Variants in CCSER1 observed in about 807,000 individuals in gnomAD.
The protein encoded by CCSER1 is serine-rich coiled-coil domain-containing protein 1.
CCSER1 carries 41 observed loss-of-function variants against 82.0 expected under a neutral mutation model. The observed-to-expected ratio is 0.50, with a 90% confidence interval of 0.39 to 0.65. The LOEUF is 0.65. Among genes scored for constraint, CCSER1 ranks in the 30% least tolerant of loss-of-function variants. The probability of loss-of-function intolerance (pLI) is 0.00; values close to 1 mark genes in which losing one functional copy is unlikely to be tolerated. For synonymous variants in CCSER1, 414 were observed against 383.9 expected, an observed-to-expected ratio of 1.08 and a Z score of -0.92; for missense variants, 1,119 against 1,064.2, an observed-to-expected ratio of 1.05 and a Z score of -0.72.
intron 1 of CCSER1, among the ~76,000 whole-genome samples, chr4:90,176,159 A>T (rs956553076): frequency 6.6e-6 from 1 of 152,024 alleles, no homozygotes; most frequent in Admixed American, 6.6e-5. Flanking sequence ...AGGATGCTTA[A>T]TGGTCAGAAT....
In CCSER1 at chr4:90,173,409, G is replaced by C. The variant is rs141392270; in HGVS notation, c.-42+45578G>C. On this transcript the variant is annotated intron_variant, in intron 1 of 10. Coordinates refer to ENST00000509176, the MANE Select transcript of CCSER1 (RefSeq NM_001145065.2). ...TTCTAAATGGTTACATTCCTTTGCT[G>C]TAATGACCAGACAGTATCAAGGTCT... Among the ~76,000 whole-genome samples, 906 of 151,618 alleles carry C rather than the reference G, an allele frequency of 6.0e-3. 13 individuals carry two copies. The highest frequency in any genetic ancestry group is 0.021 in the African/African-American group (852 of 41,350).
chr4:90,440,600 T>C (rs1436251690), intron 4 of CCSER1, among the ~76,000 whole-genome samples: 1 of 152,114 alleles, frequency 6.6e-6, no homozygotes, highest in Non-Finnish European at 1.5e-5. Flanking sequence ...TGCAGAATTA[T>C]TGTTTTGTGT....
At chr4:90,619,001 A>G (rs1721807386) in intron 5 of CCSER1, among the ~76,000 whole-genome samples, 1 of 151,880 alleles carries the variant, frequency 6.6e-6, no homozygotes, top group Non-Finnish European at 1.5e-5. Context: ...TAACTACAAA[A>G]TAAAAATACT....
intron 10 of CCSER1, among the ~76,000 whole-genome samples, chr4:91,088,195 GA>G (rs1361158904): frequency 6.6e-6 from 1 of 152,038 alleles, no homozygotes; most frequent in Non-Finnish European, 1.5e-5. Flanking sequence ...ATGCTATTAT[GA>G]TTGATAAATG....
At chr4:90,590,034 G>A (rs543488024) in intron 5 of CCSER1, among the ~76,000 whole-genome samples, 3 of 152,268 alleles carry the variant, frequency 2.0e-5, no homozygotes, top group Non-Finnish European at 4.4e-5. Flanking sequence ...AATATTTTGG[G>A]AGGCTGAGGT....
At chr4:90,137,291 A>T (rs1489040348) in intron 1 of CCSER1, among the ~76,000 whole-genome samples, 1 of 152,224 alleles carries the variant, frequency 6.6e-6, no homozygotes, top group East Asian at 1.9e-4. Flanking sequence ...TTTGAGAGGT[A>T]TTCCTTACAG....
At chr4:90,937,311 A>G (rs979488519) in intron 9 of CCSER1, among the ~76,000 whole-genome samples, 4 of 152,196 alleles carry the variant, frequency 2.6e-5, no homozygotes, top group African/African-American at 9.7e-5. Context: ...AAATCATACT[A>G]CCAAGAACAT....
intron 10 of CCSER1, among the ~76,000 whole-genome samples, chr4:91,239,046 G>C (rs1438694132): frequency 6.6e-6 from 1 of 151,720 alleles, no homozygotes; most frequent in African/African-American, 2.4e-5. Context: ...GGATGGTCTC[G>C]ATCTTCTGAC....
intron 8 of CCSER1, among the ~76,000 whole-genome samples, chr4:90,873,076 G>C (rs549760755): frequency 6.6e-6 from 1 of 151,862 alleles, no homozygotes; most frequent in South Asian, 2.1e-4. Flanking sequence ...AATCTGCTTG[G>C]TTTTCTTTAA....
At chr4:90,573,303 G>T (rs1433011063) in intron 5 of CCSER1, among the ~76,000 whole-genome samples, 1 of 152,216 alleles carries the variant, frequency 6.6e-6, no homozygotes, top group Non-Finnish European at 1.5e-5. Context: ...GCAGAAGCTT[G>T]GTTCAGTTGC....
At chr4:90,460,677 T>C (rs1204181688) in intron 4 of CCSER1, among the ~76,000 whole-genome samples, 20 of 152,168 alleles carry the variant, frequency 1.3e-4, no homozygotes, top group Admixed American at 1.3e-3. Flanking sequence ...TTAAATAATA[T>C]GGTTGTATAG....
At chr4:90,850,047 C>T (rs1763676118) in intron 8 of CCSER1, among the ~76,000 whole-genome samples, 1 of 152,114 alleles carries the variant, frequency 6.6e-6, no homozygotes, top group African/African-American at 2.4e-5. Context: ...TCCCAGCTGC[C>T]TCAGCTCTAG....
intron 10 of CCSER1, among the ~76,000 whole-genome samples, chr4:91,131,996 AAGAT>A (rs1390816099): frequency 6.6e-6 from 1 of 152,000 alleles, no homozygotes; most frequent in African/African-American, 2.4e-5. Context: ...TATTGTTTTA[AAGAT>A]TAGAAAAGAT....
chr4:91,078,514 G>A (rs1444381645), intron 9 of CCSER1, among the ~76,000 whole-genome samples: 1 of 152,188 alleles, frequency 6.6e-6, no homozygotes, highest in Non-Finnish European at 1.5e-5. Context: ...AAAATCAAAA[G>A]CCTCTTCTCC....
chr4:91,382,719 C>A (rs988660614), intron 10 of CCSER1, among the ~76,000 whole-genome samples: 2 of 152,102 alleles, frequency 1.3e-5, no homozygotes, highest in South Asian at 2.1e-4. Context: ...CTGTCCTGCA[C>A]CCACTGTCTG....
At chr4:91,496,323 T>C (rs995616765) in intron 10 of CCSER1, among the ~76,000 whole-genome samples, 2 of 151,040 alleles carry the variant, frequency 1.3e-5, no homozygotes, top group Non-Finnish European at 3.0e-5. Context: ...TTAGAATAAA[T>C]TAAGTTAAAC....
chr4:91,351,073 G>C (rs1480416445), intron 10 of CCSER1, among the ~76,000 whole-genome samples: 1 of 151,924 alleles, frequency 6.6e-6, no homozygotes, highest in Non-Finnish European at 1.5e-5. Context: ...CTATGGTACT[G>C]ACTAGGTTAG....
rs184135145 is a variant in CCSER1 at position 90,424,782 on chromosome 4, G to A, written c.1603+24653G>A. On this transcript the variant is annotated intron_variant, in intron 4 of 10. Transcript: ENST00000509176. ...TTCATGGCCTGCTAGCAATTTTATC[G>A]GATGTCAATTATATGCATCAGATTT... 8.3e-4 allele frequency among the ~76,000 whole-genome samples: 126 copies of A among 152,146 alleles called. 1 individual carries two copies. The highest frequency in any genetic ancestry group is 4.9e-3 in the Admixed American group (75 of 15,292).
Position 90,901,724 on chromosome 4 carries a change from C to T in CCSER1, c.2095-21646C>T, listed in dbSNP as rs11945005. Among the ~76,000 whole-genome samples the T allele has an allele frequency of 9.5e-3, 1,437 of 151,874 alleles. 20 individuals are homozygous for T. Among genetic ancestry groups the T allele is most frequent in the African/African-American group, 0.033 (1,370 of 41,462 alleles). On this transcript the variant is annotated intron_variant, in intron 8 of 10. Transcript: ENST00000509176. ...AAGCTGCCCTTAAGATTTTTTTCTCCCCCTTCATGTTGACCTTGGATAATC... is the reference window on the plus strand; with the variant it reads ...AAGCTGCCCTTAAGATTTTTTTCTCTCCCTTCATGTTGACCTTGGATAATC...
Sources: allele counts gnomAD v4.1 joint callset (sites outside exome capture counted in the v4.1 genomes callset), GRCh38; gene constraint gnomAD v4.1.1; transcripts MANE v1.5; gene names NCBI Gene and HGNC (gene_info 2026-07-23, HGNC 2026-07-21).